COG5: variants seen among roughly 807,000 people sequenced by gnomAD.
The protein encoded by COG5 is component of oligomeric golgi complex 5.
A neutral mutation model predicts 110.4 loss-of-function variants in COG5; 86 were observed. The observed-to-expected ratio is 0.78, with a 90% CI of 0.65 to 0.93. The LOEUF is 0.93. COG5 is among the 40% of genes least tolerant of loss of function. The pLI is 0.00. For missense variants in COG5, 1,077 were observed against 987.0 expected (o/e 1.09, Z -1.22); for synonymous variants, 360 against 334.6 (o/e 1.08, Z -0.83).
intron 6 of COG5, among the ~76,000 whole-genome samples, chr7:107,522,896 G>A (rs1168708174): frequency 6.6e-6 from 1 of 152,108 alleles, no homozygotes. Context: ...TGATCTTTAT[G>A]TCTTGATTAC....
At chr7:107,382,589 C>G (rs888651188) in intron 7 of COG5, among the ~76,000 whole-genome samples, 4 of 152,258 alleles carry the variant, frequency 2.6e-5, no homozygotes, top group Non-Finnish European at 5.9e-5. Flanking sequence ...AGGTGCCCAC[C>G]ACCACGCCCA....
At chr7:107,337,733 T>C (rs1338465868) in intron 10 of COG5, among the ~76,000 whole-genome samples, 1 of 152,078 alleles carries the variant, frequency 6.6e-6, no homozygotes, top group African/African-American at 2.4e-5. Flanking sequence ...TAATGTTCAA[T>C]AGCAGAGTAA....
intron 19 of COG5, among the ~76,000 whole-genome samples, chr7:107,212,487 A>T (rs1358107333): frequency 6.6e-6 from 1 of 152,238 alleles, no homozygotes; most frequent in South Asian, 2.1e-4. Flanking sequence ...CTTTGCTGAG[A>T]ATATTTCAGA....
chr7:107,474,432 T>C lies in COG5; in HGVS notation c.538+52805A>G, dbSNP rs372374823. 247 of 1,613,234 alleles carry C rather than the reference T, an allele frequency of 1.5e-4. No individual in the cohort carries two copies. Among genetic ancestry groups the C allele is most frequent in the Non-Finnish European group, 2.1e-4 (242 of 1,179,514 alleles). ...GTTTCCATGAGGCTTGTGTATCTTTTGCAAGTGTCTCAACAGCAATCAACG... is the reference window on the plus strand; with the variant it reads ...GTTTCCATGAGGCTTGTGTATCTTTCGCAAGTGTCTCAACAGCAATCAACG... On this transcript the variant is annotated intron_variant, in intron 6 of 21. Coordinates refer to ENST00000297135, the MANE Select transcript of COG5 (RefSeq NM_006348.5). The surrounding 1 kb of genome is among the most constrained non-coding windows in gnomAD (Gnocchi z 5.7).
In COG5 at chr7:107,372,778, TG is replaced by T; in HGVS notation, c.670-19del. On this transcript the variant is annotated intron_variant, in intron 7 of 21. Transcript: ENST00000297135. ...GTTGGATTCTTAAAAAAAGGTGGGG[TG>T]GGGTGGAAACAGATATAAATAGGAA... is the stretch of plus-strand genomic sequence containing the variant. 6.2e-7 allele frequency: 1 copy of T among 1,612,762 alleles called. No homozygotes were observed. The highest frequency in any genetic ancestry group is 8.5e-7 in the Non-Finnish European group (1 of 1,179,352).
intron 8 of COG5, among the ~76,000 whole-genome samples, chr7:107,366,422 T>C (rs572541819): frequency 1.3e-5 from 2 of 152,148 alleles, no homozygotes; most frequent in East Asian, 1.9e-4. Flanking sequence ...ATGCATAAAG[T>C]TCTTGAAAAG....
chr7:107,441,356 T>C (rs770697118), intron 6 of COG5, among the ~76,000 whole-genome samples: 1 of 151,780 alleles, frequency 6.6e-6, no homozygotes, highest in African/African-American at 2.4e-5. Flanking sequence ...ACTGATAACC[T>C]GGGACTTATA....
Position 107,229,849 on chromosome 7 carries a change from T to TA in COG5, c.2168+765_2168+766insT, listed in dbSNP as rs577500239. The stretch of plus-strand genomic sequence containing the variant: ...TCTGTTTTTTTTTTGGTTTTTGTTT[T>TA]TTTTTTTTGTTTTTTTTTTTGAGAC... On this transcript the variant is annotated intron_variant, in intron 19 of 21. Transcript: ENST00000297135. Among the ~76,000 whole-genome samples the TA allele has an allele frequency of 4.3e-3, 641 of 150,484 alleles. 3 individuals are homozygous for TA. The highest frequency in any genetic ancestry group is 0.015 in the African/African-American group (613 of 41,112).
chr7:107,373,668 T>A (rs1290089814), intron 7 of COG5, among the ~76,000 whole-genome samples: 1 of 152,118 alleles, frequency 6.6e-6, no homozygotes, highest in African/African-American at 2.4e-5. Flanking sequence ...GAGTGGATTA[T>A]GTCCAGAGTG....
chr7:107,240,130 T>C (rs1562928556), intron 17 of COG5, among the ~76,000 whole-genome samples: 1 of 152,214 alleles, frequency 6.6e-6, no homozygotes. Flanking sequence ...ATTTTAATTT[T>C]TGTCTAATTT....
chr7:107,228,421 G>C (rs1406540192), intron 19 of COG5, among the ~76,000 whole-genome samples: 3 of 151,474 alleles, frequency 2.0e-5, no homozygotes, highest in Non-Finnish European at 4.4e-5. Context: ...AACTGACTCA[G>C]CCAGCCAGGG....
At chr7:107,283,280 G>A (rs532921455) in intron 13 of COG5, among the ~76,000 whole-genome samples, 18 of 152,174 alleles carry the variant, frequency 1.2e-4, no homozygotes, top group African/African-American at 3.9e-4. Flanking sequence ...CTTGTGTAAC[G>A]TAAGAAATTT....
At chr7:107,363,560 T>C (rs957848953) in intron 8 of COG5, among the ~76,000 whole-genome samples, 4 of 151,914 alleles carry the variant, frequency 2.6e-5, no homozygotes, top group Admixed American at 6.6e-5. Flanking sequence ...AGCTAATAAA[T>C]GCAGAAAGAA....
chr7:107,303,076 T>C (rs1019211890), intron 11 of COG5, among the ~76,000 whole-genome samples: 7 of 152,094 alleles, frequency 4.6e-5, no homozygotes, highest in Non-Finnish European at 7.4e-5. Context: ...TCTTAAATAA[T>C]AGAATGAAGT....
At chr7:107,402,730 CT>C (rs1791529686) in intron 7 of COG5, among the ~76,000 whole-genome samples, 1 of 152,186 alleles carries the variant, frequency 6.6e-6, no homozygotes, top group Non-Finnish European at 1.5e-5. Flanking sequence ...GATGGCATAT[CT>C]AGTCGCATGC....
intron 10 of COG5, among the ~76,000 whole-genome samples, chr7:107,358,616 T>C (rs1562987415): frequency 6.6e-6 from 1 of 152,172 alleles, no homozygotes; most frequent in Non-Finnish European, 1.5e-5. Flanking sequence ...GACCCCATAA[T>C]TCTCTGTTAA....
At chr7:107,283,414 T>C (rs934193533) in intron 13 of COG5, among the ~76,000 whole-genome samples, 157 bp downstream of exon 13, 1 of 152,194 alleles carries the variant, frequency 6.6e-6, no homozygotes, top group Non-Finnish European at 1.5e-5. Context: ...CTCAAGTACT[T>C]ACTATGTGTG....
At chr7:107,516,915 T>G (rs1484100936) in intron 6 of COG5, among the ~76,000 whole-genome samples, 1 of 151,794 alleles carries the variant, frequency 6.6e-6, no homozygotes, top group Non-Finnish European at 1.5e-5. Context: ...AGTGAAAAAA[T>G]GCTGAAAATT....
intron 5 of COG5, among the ~76,000 whole-genome samples, chr7:107,544,694 G>GT (rs931045221): frequency 4.9e-4 from 74 of 152,304 alleles, no homozygotes; most frequent in African/African-American, 1.7e-3. Flanking sequence ...AAAGAGTGGA[G>GT]TAAGTTCCTA....
Sources: gnomAD v4.1 joint callset for allele counts (sites outside exome capture counted in the v4.1 genomes callset) on GRCh38, gnomAD v4.1.1 for gene constraint, Gnocchi (gnomAD v3.1) non-coding constraint, MANE v1.5 for transcripts, NCBI Gene and HGNC (gene_info 2026-07-23, HGNC 2026-07-21) for gene names.